Variants in AFG2A observed in about 807,000 individuals in gnomAD.
AFG2A encodes the protein AAA ATPase AFG2A, also known as ATPase family gene 2 protein homolog A.
At chr4:123,069,685 A>G in the AFG2A span, among the ~76,000 whole-genome samples, 2 of 152,324 alleles carry the variant, frequency 1.3e-5, no homozygotes, top group Admixed American at 6.5e-5. Flanking sequence ...ATTTATTTTT[A>G]ATTATAAAAA....
At chr4:122,967,096 A>C in the AFG2A span, among the ~76,000 whole-genome samples, 3 of 152,228 alleles carry the variant, frequency 2.0e-5, no homozygotes, top group Non-Finnish European at 2.9e-5. Flanking sequence ...ACTGAGAACT[A>C]TTTTTAAAAA....
At chr4:123,233,134 C>A in the AFG2A span, among the ~76,000 whole-genome samples, 1 of 152,028 alleles carries the variant, frequency 6.6e-6, no homozygotes, top group Non-Finnish European at 1.5e-5. Context: ...AATCGCATGA[C>A]CCACGTGAAA....
At chr4:123,248,790 G>C in the AFG2A span, among the ~76,000 whole-genome samples, 1 of 152,056 alleles carries the variant, frequency 6.6e-6, no homozygotes, top group East Asian at 1.9e-4. Context: ...TTCTAACCTC[G>C]TAGCTCATTG....
the AFG2A span, among the ~76,000 whole-genome samples, chr4:123,120,220 G>A: frequency 1.3e-5 from 2 of 152,102 alleles, no homozygotes; most frequent in Non-Finnish European, 2.9e-5. Flanking sequence ...CTATGTTGAG[G>A]AAATAATTTA....
the AFG2A span, chr4:122,923,082 C>T: frequency 6.2e-7 from 1 of 1,601,176 alleles, no homozygotes; most frequent in Non-Finnish European, 8.5e-7. Flanking sequence ...GTTTTTCTCT[C>T]AGTTGAAGCG....
the AFG2A span, among the ~76,000 whole-genome samples, chr4:123,198,045 C>T: frequency 6.6e-6 from 1 of 151,948 alleles, no homozygotes; most frequent in East Asian, 1.9e-4. Context: ...CTGAGGTGGG[C>T]AGATCATGAG....
At chr4:123,030,744 A>C in the AFG2A span, among the ~76,000 whole-genome samples, 1 of 152,328 alleles carries the variant, frequency 6.6e-6, no homozygotes, top group African/African-American at 2.4e-5. Context: ...TCCCTTATCA[A>C]AATGCTTTGG....
chr4:123,091,704 C>T, the AFG2A span, among the ~76,000 whole-genome samples: 68,993 of 151,990 alleles, frequency 0.45, 19,171 homozygotes, highest in Non-Finnish European at 0.61. Context: ...AAAACCAGTC[C>T]TTTTAAACTA....
chr4:122,996,183 T>C, the AFG2A span, among the ~76,000 whole-genome samples: 1 of 152,296 alleles, frequency 6.6e-6, no homozygotes, highest in Middle Eastern at 3.4e-3. Flanking sequence ...GCACATGCTG[T>C]CCTCCCATCT....
At chr4:123,083,399 T>C in the AFG2A span, among the ~76,000 whole-genome samples, 2 of 104,790 alleles carry the variant, frequency 1.9e-5, no homozygotes, top group African/African-American at 6.7e-5. Flanking sequence ...TCTATTTATA[T>C]GATTATGAGA....
the AFG2A span, among the ~76,000 whole-genome samples, chr4:123,134,595 ATTTTTTT>A: frequency 8.3e-5 from 11 of 132,694 alleles, no homozygotes; most frequent in African/African-American, 3.1e-4. Flanking sequence ...GAATTTTAGG[ATTTTTTT>A]TTTTTTTTTT....
the AFG2A span, among the ~76,000 whole-genome samples, chr4:123,237,381 A>G: frequency 6.6e-6 from 1 of 151,738 alleles, no homozygotes; most frequent in Non-Finnish European, 1.5e-5. Flanking sequence ...AAACTACCAT[A>G]TTAAAATTCA....
At chr4:123,005,305 C>T in the AFG2A span, among the ~76,000 whole-genome samples, 1 of 152,054 alleles carries the variant, frequency 6.6e-6, no homozygotes, top group Non-Finnish European at 1.5e-5. Flanking sequence ...CATGCACCAT[C>T]ACGCCTGGCT....
the AFG2A span, chr4:122,929,202 G>T: frequency 6.4e-7 from 1 of 1,559,698 alleles, no homozygotes; most frequent in Admixed American, 2.1e-5. Flanking sequence ...ACTGAGGTTT[G>T]GCTCTTTTCT....
chr4:123,017,701 G>C, the AFG2A span, among the ~76,000 whole-genome samples: 4 of 152,010 alleles, frequency 2.6e-5, no homozygotes, highest in South Asian at 6.2e-4. Flanking sequence ...TGAAAAGTTA[G>C]TGTATGACCC....
chr4:123,289,692 T>C, the AFG2A span, among the ~76,000 whole-genome samples: 1 of 152,226 alleles, frequency 6.6e-6, no homozygotes. Context: ...TTTCTGTTTT[T>C]GTTTTTTGTC....
At chr4:123,078,543 T>C in the AFG2A span, among the ~76,000 whole-genome samples, 883 of 152,338 alleles carry the variant, frequency 5.8e-3, 8 homozygotes, top group African/African-American at 0.02. Context: ...TGGATTTACG[T>C]AGGCTTAGTA....
At chr4:123,116,502 C>T in the AFG2A span, among the ~76,000 whole-genome samples, 1 of 152,192 alleles carries the variant, frequency 6.6e-6, no homozygotes, top group East Asian at 1.9e-4. Flanking sequence ...TGTTACCAGA[C>T]ATCCTATAAT....
chr4:123,284,758 AAATGT>A, the AFG2A span, among the ~76,000 whole-genome samples: 1 of 152,156 alleles, frequency 6.6e-6, no homozygotes, highest in Non-Finnish European at 1.5e-5. Flanking sequence ...AGTTTGAGGA[AAATGT>A]AATGTAACCC....
Sources: allele counts gnomAD v4.1 joint callset (sites outside exome capture counted in the v4.1 genomes callset), GRCh38; gene constraint gnomAD v4.1.1; transcripts MANE v1.5; gene names NCBI Gene and HGNC (gene_info 2026-07-23, HGNC 2026-07-21).